KCNK13: variants seen among roughly 807,000 people sequenced by gnomAD.
The protein encoded by KCNK13 is potassium two pore domain channel subfamily K member 13.
A neutral mutation model predicts 23.4 loss-of-function variants in KCNK13; 12 were observed. The observed-to-expected ratio is 0.51, with a 90% CI of 0.33 to 0.83. The LOEUF is 0.83. KCNK13 is among the 40% of genes least tolerant of loss of function. The probability of loss-of-function intolerance (pLI) is 0.02; values close to 1 mark genes in which losing one functional copy is unlikely to be tolerated. For synonymous variants in KCNK13, 231 were observed against 229.5 expected (o/e 1.01, Z -0.06); for missense variants, 463 against 556.3 (o/e 0.83, Z 1.69).
rs59020460 is a variant in KCNK13, at chr14:90,088,330, A to AAAAGAAAG, written c.334+25808_334+25815dup. 2.5e-3 allele frequency among the ~76,000 whole-genome samples: 363 copies of AAAAGAAAG among 147,382 alleles called. 1 individual carries two copies. The highest frequency in any genetic ancestry group is 3.5e-3 in the Middle Eastern group (1 of 282). On this transcript the variant is annotated intron_variant, in intron 1 of 1. Transcript: ENST00000282146. Reference sequence around the variant, plus strand: ...TGGTAAATGTTTAACAACAAGCTTAAAAAGAAAGAAAGAAAGAAAGAAAGC... The same window carrying AAAAGAAAG: ...TGGTAAATGTTTAACAACAAGCTTAAAAAGAAAGAAAGAAAGAAAGAAAGAAAGAAAGC...
chr14:90,125,803 G>T (rs760655704), intron 1 of KCNK13, among the ~76,000 whole-genome samples: 2 of 152,030 alleles, frequency 1.3e-5, no homozygotes, highest in Non-Finnish European at 2.9e-5. Context: ...CAAGTGGATG[G>T]CTTGAGCCCA....
intron 1 of KCNK13, among the ~76,000 whole-genome samples, chr14:90,139,245 C>G: frequency 6.6e-6 from 1 of 152,282 alleles, no homozygotes; most frequent in Non-Finnish European, 1.5e-5. Context: ...TTGAATGCAG[C>G]TGGGGAGCGG....
chr14:90,165,687 T>G (rs1890294798), intron 1 of KCNK13, among the ~76,000 whole-genome samples: 1 of 152,192 alleles, frequency 6.6e-6, no homozygotes, highest in Non-Finnish European at 1.5e-5. Flanking sequence ...ATTTTAGAAG[T>G]TAAGAAGCAC....
At chr14:90,128,060 TA>T (rs1226511541) in intron 1 of KCNK13, among the ~76,000 whole-genome samples, 1 of 152,058 alleles carries the variant, frequency 6.6e-6, no homozygotes, top group Non-Finnish European at 1.5e-5. Context: ...CTTTCCACAA[TA>T]GGATTGGAGG....
At chr14:90,099,940 C>T (rs1303375414) in intron 1 of KCNK13, among the ~76,000 whole-genome samples, 1 of 152,188 alleles carries the variant, frequency 6.6e-6, no homozygotes, top group Non-Finnish European at 1.5e-5. Flanking sequence ...ACTCACATCT[C>T]CTTCCCTGAT....
At chr14:90,111,001 C>T (rs1946807691) in intron 1 of KCNK13, among the ~76,000 whole-genome samples, 1 of 113,758 alleles carries the variant, frequency 8.8e-6, no homozygotes, top group South Asian at 4.0e-4. Context: ...AAGAGCAGGA[C>T]TTTTGTCTCA....
chr14:90,104,935 A>T (rs1347487918), intron 1 of KCNK13, among the ~76,000 whole-genome samples: 1 of 139,454 alleles, frequency 7.2e-6, no homozygotes, highest in Non-Finnish European at 1.5e-5. Flanking sequence ...GATTACAGGC[A>T]TGCACCACCA....
chr14:90,091,346 G>T (rs534574417), intron 1 of KCNK13, among the ~76,000 whole-genome samples: 1 of 152,066 alleles, frequency 6.6e-6, no homozygotes, highest in Non-Finnish European at 1.5e-5. Flanking sequence ...GAATCGAACC[G>T]GTAAAGAATG....
chr14:90,157,310 G>C (rs567330763), intron 1 of KCNK13, among the ~76,000 whole-genome samples: 1 of 152,204 alleles, frequency 6.6e-6, no homozygotes, highest in East Asian at 1.9e-4. Context: ...TGCTGTACTC[G>C]TGCAGGCCCT....
intron 1 of KCNK13, among the ~76,000 whole-genome samples, chr14:90,071,992 C>T (rs537229612): frequency 6.6e-6 from 1 of 152,202 alleles, no homozygotes; most frequent in South Asian, 2.1e-4. Flanking sequence ...ACATCTCAGC[C>T]ATTAGAGGAG....
intron 1 of KCNK13, among the ~76,000 whole-genome samples, chr14:90,088,351 A>C (rs952300874): frequency 5.9e-5 from 9 of 152,204 alleles, no homozygotes; most frequent in African/African-American, 1.9e-4. Flanking sequence ...AGAAAGAAAG[A>C]AAGCTCTGAT....
chr14:90,171,710 G>T (rs919782108), intron 1 of KCNK13, among the ~76,000 whole-genome samples: 2 of 152,146 alleles, frequency 1.3e-5, no homozygotes, highest in Non-Finnish European at 2.9e-5. Flanking sequence ...AGAGACAAAT[G>T]GTTACATTCT....
chr14:90,075,951 T>C lies in KCNK13; in HGVS notation c.334+13412T>C, dbSNP rs544465384. Among the ~76,000 whole-genome samples, 5 of 152,350 alleles carry C rather than the reference T, an allele frequency of 3.3e-5. No individual in the cohort carries two copies. In the East Asian group the frequency reaches 7.7e-4, roughly 23 times the overall value. On this transcript the variant is annotated intron_variant, in intron 1 of 1. Transcript: ENST00000282146. ...GCAAAATAATGAACCTTTGAGAGAA[T>C]GACTTTTCCTTTGTGATCTGAAAAT...
chr14:90,070,317 T>A (rs1889059098), intron 1 of KCNK13, among the ~76,000 whole-genome samples: 1 of 152,234 alleles, frequency 6.6e-6, no homozygotes, highest in African/African-American at 2.4e-5. Context: ...TCCTTATAAT[T>A]AATAGCTCTG....
intron 1 of KCNK13, among the ~76,000 whole-genome samples, chr14:90,087,907 A>G (rs376716435): frequency 1.3e-5 from 2 of 152,188 alleles, no homozygotes; most frequent in African/African-American, 4.8e-5. Context: ...TCAGCATGCC[A>G]TGTATACTTG....
rs151239425 is a variant in KCNK13 at position 90,108,367 on chromosome 14, A to G, written c.334+45828A>G. Among the ~76,000 whole-genome samples the G allele has an allele frequency of 3.9e-5, 6 of 152,260 alleles. No individual in the cohort carries two copies. In the East Asian group the frequency reaches 1.2e-3, roughly 29 times the overall value. On this transcript the variant is annotated intron_variant, in intron 1 of 1. Transcript: ENST00000282146. ...TGTTTCTACAGACTCCTTCTCCACA[A>G]TGATGAATCCTTGGTTGGTTTTCTG...
intron 1 of KCNK13, among the ~76,000 whole-genome samples, chr14:90,160,715 C>T (rs1240320704): frequency 2.6e-5 from 4 of 151,768 alleles, no homozygotes; most frequent in Non-Finnish European, 5.9e-5. Flanking sequence ...TGGTGGCAGG[C>T]ACCTGTAATC....
chr14:90,178,165 C>G (rs1044327152), intron 1 of KCNK13, among the ~76,000 whole-genome samples: 1 of 121,342 alleles, frequency 8.2e-6, no homozygotes, highest in Non-Finnish European at 1.6e-5. Context: ...AAAGTAAAGA[C>G]ATGGTGAACA....
intron 1 of KCNK13, among the ~76,000 whole-genome samples, chr14:90,130,414 G>A (rs1400344766): frequency 6.6e-6 from 1 of 151,672 alleles, no homozygotes; most frequent in African/African-American, 2.4e-5. Context: ...TGGCCAGGCT[G>A]GTCTTGAACT....
Sources: allele counts gnomAD v4.1 joint callset (sites outside exome capture counted in the v4.1 genomes callset), GRCh38; gene constraint gnomAD v4.1.1; transcripts MANE v1.5; gene names NCBI Gene and HGNC (gene_info 2026-07-23, HGNC 2026-07-21).